The following PSPC1 variants were observed in gnomAD, a reference collection of about 807,000 sequenced individuals.
PSPC1 encodes paraspeckle component 1, also known as paraspeckle protein 1.
PSPC1 carries 14 observed loss-of-function variants against 51.6 expected under a neutral mutation model. The observed-to-expected ratio is 0.27, with a 90% CI of 0.18 to 0.42. The LOEUF (loss-of-function observed/expected upper bound fraction) is 0.42. Ranked by LOEUF, PSPC1 falls within the 10% of genes least tolerant of loss-of-function variation. PSPC1 has a pLI of 1.00. For missense variants in PSPC1, 406 were observed against 701.1 expected (o/e 0.58, Z 4.75); for synonymous variants, 193 against 231.9 (o/e 0.83, Z 1.53).
chr13:19,713,761 G>C (rs1419601451), intron 6 of PSPC1, among the ~76,000 whole-genome samples: 1 of 152,060 alleles, frequency 6.6e-6, no homozygotes, highest in East Asian at 1.9e-4. Flanking sequence ...CATGTCAAAA[G>C]AGCATTCCAT....
intron 2 of PSPC1, among the ~76,000 whole-genome samples, chr13:19,761,239 G>A (rs1887581600): frequency 6.6e-6 from 1 of 152,090 alleles, no homozygotes; most frequent in Non-Finnish European, 1.5e-5. Flanking sequence ...GCTGGGATAA[G>A]GAAATGACAA....
intron 6 of PSPC1, among the ~76,000 whole-genome samples, chr13:19,680,521 G>A (rs997623075): frequency 5.9e-5 from 9 of 151,890 alleles, no homozygotes; most frequent in African/African-American, 1.7e-4. Flanking sequence ...CAAAATATGC[G>A]AAGTCCTAGA....
At chr13:19,711,525 C>G (rs1015246532) in intron 6 of PSPC1, among the ~76,000 whole-genome samples, 1 of 151,422 alleles carries the variant, frequency 6.6e-6, no homozygotes, top group African/African-American at 2.4e-5. Flanking sequence ...GTAGTCCCAA[C>G]TATTCGGGAG....
downstream of PSPC1, among the ~76,000 whole-genome samples, chr13:19,673,620 C>T (rs1297066143): frequency 6.6e-6 from 1 of 152,136 alleles, no homozygotes; most frequent in Non-Finnish European, 1.5e-5. Context: ...CAGTGCAGGT[C>T]AGGAGCAGTA....
chr13:19,781,238 C>T (rs955018856), intron 1 of PSPC1, among the ~76,000 whole-genome samples: 6 of 151,438 alleles, frequency 4.0e-5, no homozygotes, highest in Non-Finnish European at 5.9e-5. Context: ...AGTGCAGTGA[C>T]GTGATCTCAG....
intron 6 of PSPC1, among the ~76,000 whole-genome samples, chr13:19,692,814 C>A (rs936614598): frequency 2.0e-5 from 3 of 152,088 alleles, no homozygotes; most frequent in Non-Finnish European, 4.4e-5. Flanking sequence ...ATTCACTATA[C>A]CTCTGAATTA....
intron 1 of PSPC1, among the ~76,000 whole-genome samples, chr13:19,775,051 T>C (rs1027122571): frequency 5.9e-5 from 9 of 151,556 alleles, no homozygotes; most frequent in African/African-American, 1.9e-4. Flanking sequence ...TAAAAGAAAC[T>C]AAATAGGCTG....
At chr13:19,781,221 A>G (rs192097230) in intron 1 of PSPC1, among the ~76,000 whole-genome samples, 17 of 149,420 alleles carry the variant, frequency 1.1e-4, no homozygotes, top group African/African-American at 3.9e-4. Flanking sequence ...TCTGTCGCCC[A>G]GGCTGGAGTG....
At chr13:19,776,321 C>CTAATTT in intron 1 of PSPC1, among the ~76,000 whole-genome samples, 1 of 152,084 alleles carries the variant, frequency 6.6e-6, no homozygotes, top group Non-Finnish European at 1.5e-5. Context: ...ACAAAATTAG[C>CTAATTT]TGGGTGTGGT....
intron 6 of PSPC1, among the ~76,000 whole-genome samples, chr13:19,713,468 A>G (rs1411407184): frequency 7.1e-6 from 1 of 140,054 alleles, no homozygotes; most frequent in Non-Finnish European, 1.5e-5. Context: ...ACTGAAATGG[A>G]GTTCACAAAA....
Position 19,720,024 on chromosome 13 carries a change from T to C in PSPC1, c.1158+10215A>G, listed in dbSNP as rs538945994. Among the ~76,000 whole-genome samples the C allele has an allele frequency of 2.6e-5, 4 of 152,324 alleles. No homozygotes were observed. In the East Asian group the frequency reaches 7.7e-4, roughly 29 times the overall value. On this transcript the variant is annotated intron_variant, in intron 6 of 8. Transcript: ENST00000338910. ...ATACACCTGAGAGCATTTTCAAGATTACCAGTTTCAATTGTCAGGTGTAAA... is the reference window on the plus strand; with the variant it reads ...ATACACCTGAGAGCATTTTCAAGATCACCAGTTTCAATTGTCAGGTGTAAA...
At chr13:19,734,665 G>A (rs915722923) in intron 5 of PSPC1, among the ~76,000 whole-genome samples, 1 of 152,078 alleles carries the variant, frequency 6.6e-6, no homozygotes, top group African/African-American at 2.4e-5. Flanking sequence ...AGCCTGGCGT[G>A]GTGGCAGGTG....
chr13:19,686,664 A>C (rs1877919722), intron 6 of PSPC1, among the ~76,000 whole-genome samples: 1 of 152,176 alleles, frequency 6.6e-6, no homozygotes, highest in Non-Finnish European at 1.5e-5. Flanking sequence ...TGTTCATAAA[A>C]TTCAAAAATA....
intron 2 of PSPC1, among the ~76,000 whole-genome samples, chr13:19,764,003 G>A (rs1253517234): frequency 2.0e-5 from 3 of 149,904 alleles, no homozygotes; most frequent in Non-Finnish European, 3.0e-5. Flanking sequence ...ACCCTGTCTC[G>A]GAAAAAAAGA....
intron 6 of PSPC1, among the ~76,000 whole-genome samples, chr13:19,683,493 C>T (rs1265106255): frequency 5.3e-5 from 8 of 152,202 alleles, no homozygotes; most frequent in Admixed American, 4.6e-4. Flanking sequence ...ACAACAGTGA[C>T]GTCCTCTGAC....
intron 4 of PSPC1, among the ~76,000 whole-genome samples, chr13:19,745,843 TC>T (rs1017298842): frequency 6.6e-6 from 1 of 152,002 alleles, no homozygotes; most frequent in African/African-American, 2.4e-5. Flanking sequence ...ATGGTCTCGA[TC>T]TCCTGTCGGC....
chr13:19,694,039 C>A (rs904629875), intron 6 of PSPC1, among the ~76,000 whole-genome samples: 1 of 135,728 alleles, frequency 7.4e-6, no homozygotes, highest in Admixed American at 8.4e-5. Context: ...AGGAGAATGG[C>A]GTGAACCCGG....
At chr13:19,738,736 T>A (rs548152181) in intron 5 of PSPC1, among the ~76,000 whole-genome samples, 4 of 151,764 alleles carry the variant, frequency 2.6e-5, no homozygotes, top group South Asian at 2.1e-4. Context: ...TGAAACCCCG[T>A]CTCTACTAAA....
chr13:19,782,553 T>C lies in PSPC1; in HGVS notation c.205A>G (p.Ser69Gly), dbSNP rs1478448246. ...EEMGFTIDIK[S>G]FLKPGEKTYT... The stretch of plus-strand genomic sequence containing the variant: ...GTCTTCTCGCCCGGCTTGAGGAAAC[T>C]CTTGATGTCGATAGTGAACCCCATC... The change falls in exon 1 of 9, where the codon AGT becomes GGT. Residue 69 changes from serine to glycine, a missense_variant. Transcript: ENST00000338910. The surrounding 1 kb of genome is among the most constrained non-coding windows in gnomAD (Gnocchi z 4.5). 2 of 1,611,762 alleles carry C rather than the reference T, an allele frequency of 1.2e-6. No homozygotes were observed. The highest frequency in any genetic ancestry group is 2.2e-5 in the South Asian group (2 of 90,778).
Sources: gnomAD v4.1 joint callset for allele counts (sites outside exome capture counted in the v4.1 genomes callset) on GRCh38, gnomAD v4.1.1 for gene constraint, Gnocchi (gnomAD v3.1) non-coding constraint, MANE v1.5 for transcripts, NCBI Gene and HGNC (gene_info 2026-07-23, HGNC 2026-07-21) for gene names.